Variants in VWA8 observed in about 807,000 individuals in gnomAD.
The protein encoded by VWA8 is von Willebrand factor A domain containing 8.
In VWA8, 221 loss-of-function variants were observed where a neutral mutation model predicts 241.5. That is an observed-to-expected ratio of 0.91 (90% CI 0.82 to 1.02). VWA8 has a LOEUF of 1.02. Among genes scored for constraint, VWA8 ranks in the 50% least tolerant of loss-of-function variants. The pLI is 0.00. For synonymous variants in VWA8, 852 were observed against 827.1 expected (o/e 1.03, Z -0.52); for missense variants, 2,322 against 2,328.7 (o/e 1.00, Z 0.06).
intron 28 of VWA8, 121 bp downstream of exon 28, chr13:41,701,271 C>T (rs1386537963): frequency 2.4e-6 from 3 of 1,229,466 alleles, no homozygotes; most frequent in Non-Finnish European, 3.3e-6. Flanking sequence ...AATTGCTATC[C>T]AATCCAAGAA....
At chr13:41,825,394 C>A (rs1871135935) in intron 14 of VWA8, among the ~76,000 whole-genome samples, 1 of 152,136 alleles carries the variant, frequency 6.6e-6, no homozygotes, top group Non-Finnish European at 1.5e-5. Flanking sequence ...AAAACACCAT[C>A]CAATTGCTAC....
At position 41,889,533 on chromosome 13, in the gene VWA8, C is replaced by T. The variant is rs1212953907; in HGVS notation, c.651+1887G>A. Among the ~76,000 whole-genome samples, 5 of 152,148 alleles carry T rather than the reference C, an allele frequency of 3.3e-5. 1 individual carries two copies. Among genetic ancestry groups the T allele is most frequent in the African/African-American group, 1.2e-4 (5 of 41,498 alleles). Reference sequence around the variant, plus strand: ...AGCTGGGATTACAGGCGCATGCCACCACGCCCAGCTAATTTTTGTATTTTT... The same window carrying T: ...AGCTGGGATTACAGGCGCATGCCACTACGCCCAGCTAATTTTTGTATTTTT... On this transcript the variant is annotated intron_variant, in intron 5 of 44. Coordinates refer to ENST00000379310, the MANE Select transcript of VWA8 (RefSeq NM_015058.2).
At chr13:41,618,086 T>C (rs1386934621) in intron 37 of VWA8, among the ~76,000 whole-genome samples, 1 of 152,228 alleles carries the variant, frequency 6.6e-6, no homozygotes, top group Non-Finnish European at 1.5e-5. Context: ...TAGTTTACAG[T>C]CCCACCAACA....
intron 43 of VWA8, among the ~76,000 whole-genome samples, chr13:41,572,499 A>C (rs1488708906): frequency 2.6e-5 from 4 of 152,036 alleles, no homozygotes; most frequent in African/African-American, 9.7e-5. Flanking sequence ...CTTACCCCCA[A>C]CCCCATGATC....
chr13:41,572,160 C>T (rs9594577), intron 43 of VWA8, among the ~76,000 whole-genome samples: 2,527 of 151,908 alleles, frequency 0.017, 78 homozygotes, highest in African/African-American at 0.056. Flanking sequence ...GCAGCCGCCC[C>T]GTCCGGGAGG....
chr13:41,931,853 T>G (rs1242800886), intron 2 of VWA8, among the ~76,000 whole-genome samples: 1 of 152,168 alleles, frequency 6.6e-6, no homozygotes, highest in Non-Finnish European at 1.5e-5. Context: ...TAATTGCCTA[T>G]CCTGAGAAAA....
chr13:41,781,904 T>A (rs1368288201), intron 19 of VWA8, among the ~76,000 whole-genome samples: 1 of 152,148 alleles, frequency 6.6e-6, no homozygotes, highest in Non-Finnish European at 1.5e-5. Flanking sequence ...AAAAGTCCAT[T>A]TCAACACAAT....
At chr13:41,688,240 G>C (rs2045150247) in intron 34 of VWA8, among the ~76,000 whole-genome samples, 2 of 151,910 alleles carry the variant, frequency 1.3e-5, no homozygotes, top group Non-Finnish European at 2.9e-5. Flanking sequence ...CTTATATCCT[G>C]AAGTACCCAG....
At chr13:41,684,837 G>A (rs2045124341) in intron 35 of VWA8, among the ~76,000 whole-genome samples, 1 of 152,136 alleles carries the variant, frequency 6.6e-6, no homozygotes, top group African/African-American at 2.4e-5. Context: ...AAATGAAGAT[G>A]AGCTCTAACA....
At chr13:41,629,062 A>G (rs2044710933) in intron 37 of VWA8, among the ~76,000 whole-genome samples, 1 of 151,872 alleles carries the variant, frequency 6.6e-6, no homozygotes, top group Admixed American at 6.6e-5. Flanking sequence ...AAAAACAAGC[A>G]AACAAACAAA....
intron 37 of VWA8, among the ~76,000 whole-genome samples, chr13:41,617,594 T>C (rs1267956565): frequency 5.3e-5 from 8 of 152,302 alleles, no homozygotes; most frequent in Middle Eastern, 3.4e-3. Context: ...CAGTCATTAA[T>C]TCGTCATTTA....
At chr13:41,946,888 A>T (rs1877874393) in intron 2 of VWA8, among the ~76,000 whole-genome samples, 1 of 152,202 alleles carries the variant, frequency 6.6e-6, no homozygotes, top group Non-Finnish European at 1.5e-5. Flanking sequence ...AAAGAACGCC[A>T]TTAAAACAAT....
chr13:41,782,361 G>A (rs1404089295), intron 19 of VWA8, among the ~76,000 whole-genome samples: 1 of 152,004 alleles, frequency 6.6e-6, no homozygotes. Context: ...TTGTCTCTTT[G>A]TCTCTTTGTT....
intron 37 of VWA8, among the ~76,000 whole-genome samples, chr13:41,628,215 AT>A (rs1472514089): frequency 2.0e-5 from 3 of 152,170 alleles, no homozygotes; most frequent in Non-Finnish European, 4.4e-5. Flanking sequence ...AAAATAACAG[AT>A]GCCAGAGAGG....
At chr13:41,689,562 A>T in intron 33 of VWA8, 54 bp from the exon 34 acceptor site, 4 of 1,430,576 alleles carry the variant, frequency 2.8e-6, no homozygotes, top group Non-Finnish European at 3.7e-6. Context: ...CCAGGAATTA[A>T]TTTTTTGCAA....
intron 12 of VWA8, among the ~76,000 whole-genome samples, chr13:41,852,603 T>C (rs1017688817): frequency 1.3e-5 from 2 of 152,180 alleles, no homozygotes; most frequent in Non-Finnish European, 2.9e-5. Context: ...CTTACATTTA[T>C]GTATTTAATC....
At chr13:41,617,355 G>A (rs976983976) in intron 37 of VWA8, among the ~76,000 whole-genome samples, 3 of 152,158 alleles carry the variant, frequency 2.0e-5, no homozygotes, top group Non-Finnish European at 2.9e-5. Context: ...CTGACCTCAA[G>A]TGATCCACCC....
At chr13:41,683,278 C>T (rs1242015819) in intron 35 of VWA8, among the ~76,000 whole-genome samples, 1 of 150,800 alleles carries the variant, frequency 6.6e-6, no homozygotes, top group Non-Finnish European at 1.5e-5. Flanking sequence ...ACTAATGATA[C>T]ACACATAACA....
intron 10 of VWA8, 23 bp from the exon 11 acceptor site, chr13:41,866,059 A>G: frequency 6.2e-7 from 1 of 1,611,362 alleles, no homozygotes; most frequent in Non-Finnish European, 8.5e-7. Flanking sequence ...AGAGGTCAAT[A>G]TAACATGGCC....
Sources: allele counts gnomAD v4.1 joint callset (sites outside exome capture counted in the v4.1 genomes callset), GRCh38; gene constraint gnomAD v4.1.1; transcripts MANE v1.5; gene names NCBI Gene and HGNC (gene_info 2026-07-23, HGNC 2026-07-21).